The following CFAP47 variants were observed in gnomAD, a reference collection of about 807,000 sequenced individuals.
The protein encoded by CFAP47 is cilia and flagella associated protein 47.
In CFAP47, 29 loss-of-function variants were observed where a neutral mutation model predicts 148.1. The ratio of observed to expected loss-of-function variants is 0.20; its 90% CI spans 0.15 to 0.27. The LOEUF (loss-of-function observed/expected upper bound fraction) is 0.27. CFAP47 is among the 10% of genes least tolerant of loss of function. The pLI, the probability that CFAP47 is intolerant of heterozygous loss-of-function variation, is 1.00. For missense variants in CFAP47, 1,872 were observed against 1,697.5 expected, an observed-to-expected ratio of 1.10 and a Z score of -1.81; for synonymous variants, 664 against 577.3, an observed-to-expected ratio of 1.15 and a Z score of -2.15.
At chrX:36,042,897 T>G (rs1294481668) in intron 25 of CFAP47, among the ~76,000 whole-genome samples, 5 of 111,429 alleles carry the variant, frequency 4.5e-5, no homozygotes, top group Non-Finnish European at 9.4e-5. Flanking sequence ...GGAAGTGCTT[T>G]CCATAGGGAA....
intron 29 of CFAP47, among the ~76,000 whole-genome samples, chrX:36,080,904 A>G (rs1237545587): frequency 8.9e-6 from 1 of 112,021 alleles, no homozygotes; most frequent in Non-Finnish European, 1.9e-5. Context: ...CATTGTGCAC[A>G]TGCACCCTAG....
rs1937628199 is a variant in CFAP47 at position 36,065,404 on chromosome X, A to G, written c.4218-239A>G. 2.7e-5 allele frequency among the ~76,000 whole-genome samples: 3 copies of G among 111,936 alleles called. No individual in the cohort carries two copies. The South Asian group carries it at 1.1e-3, about 42-fold the overall frequency. ...TCTGTGTTTTTGCACCTGCACAGTT[A>G]CAAGCTGTGTTCTATAGCACACTTG... On this transcript the variant is annotated intron_variant, in intron 26 of 63. Coordinates refer to ENST00000378653, the MANE Select transcript of CFAP47 (RefSeq NM_001304548.2).
At chrX:36,264,007 T>C (rs1489372987) in intron 49 of CFAP47, among the ~76,000 whole-genome samples, 1 of 111,561 alleles carries the variant, frequency 9.0e-6, no homozygotes, top group Non-Finnish European at 1.9e-5. Flanking sequence ...TGTCCTTCCC[T>C]CCAATGTATC....
chrX:36,169,243 A>G (rs1939534873), intron 39 of CFAP47, among the ~76,000 whole-genome samples: 1 of 111,197 alleles, frequency 9.0e-6, no homozygotes. Flanking sequence ...TATTATCTAT[A>G]TGTGGATTGC....
Position 35,953,575 on chromosome X carries a change from T to C in CFAP47, c.1047-17T>C. 1 of 1,160,682 alleles carries C rather than the reference T, an allele frequency of 8.6e-7. No individual in the cohort carries two copies. The stretch of plus-strand genomic sequence containing the variant: ...TCAACTTTGCTTTAAAAATAACTCA[T>C]TGTGATTTTTTTACAGGCTAATGGC... On this transcript the variant is annotated splice_polypyrimidine_tract_variant and intron_variant, in intron 6 of 63. Coordinates refer to ENST00000378653, the MANE Select transcript of CFAP47 (RefSeq NM_001304548.2).
chrX:36,208,706 C>T (rs2146887316), intron 45 of CFAP47, among the ~76,000 whole-genome samples: 1 of 111,909 alleles, frequency 8.9e-6, no homozygotes, highest in Admixed American at 9.5e-5. Flanking sequence ...TGGCTCATGC[C>T]TGTAATCCCA....
intron 60 of CFAP47, among the ~76,000 whole-genome samples, chrX:36,356,130 C>T (rs1453862720): frequency 8.9e-6 from 1 of 111,811 alleles, no homozygotes; most frequent in Non-Finnish European, 1.9e-5. Flanking sequence ...CAAAATAGCT[C>T]TTGAAAATAT....
At chrX:36,267,540 A>T (rs1940907961) in intron 49 of CFAP47, among the ~76,000 whole-genome samples, 1 of 100,286 alleles carries the variant, frequency 1.0e-5, no homozygotes, top group Non-Finnish European at 2.0e-5. Context: ...GTACAGTGGC[A>T]TGATCTTGGC....
chrX:36,027,555 C>T (rs1304673165), intron 22 of CFAP47, among the ~76,000 whole-genome samples: 11 of 109,772 alleles, frequency 1.0e-4, no homozygotes, highest in African/African-American at 3.3e-4. Flanking sequence ...CCATGGTGTG[C>T]GTGTATGTGT....
At chrX:36,164,954 C>G (rs984126415) in intron 39 of CFAP47, among the ~76,000 whole-genome samples, 10 of 111,843 alleles carry the variant, frequency 8.9e-5, no homozygotes, top group Non-Finnish European at 1.3e-4. Flanking sequence ...CTCTCCATTT[C>G]CGTAAACCCA....
At chrX:36,105,684 G>A (rs1430467424) in intron 33 of CFAP47, among the ~76,000 whole-genome samples, 1 of 111,560 alleles carries the variant, frequency 9.0e-6, no homozygotes, top group Non-Finnish European at 1.9e-5. Context: ...AAATATATTT[G>A]CCCCATTAAA....
chrX:36,146,435 AT>A (rs1448529580), intron 36 of CFAP47, among the ~76,000 whole-genome samples: 1 of 112,033 alleles, frequency 8.9e-6, no homozygotes, highest in Non-Finnish European at 1.9e-5. Context: ...TCATTTTATT[AT>A]TTTGCTAGAA....
chrX:36,213,351 G>A (rs782598424), intron 45 of CFAP47, among the ~76,000 whole-genome samples: 12 of 110,692 alleles, frequency 1.1e-4, no homozygotes, highest in Non-Finnish European at 2.1e-4. Flanking sequence ...GTTTGCCAGT[G>A]GTCACCAACC....
chrX:36,232,604 C>G (rs1457239662), intron 46 of CFAP47, among the ~76,000 whole-genome samples: 1 of 111,344 alleles, frequency 9.0e-6, no homozygotes, highest in Non-Finnish European at 1.9e-5. Flanking sequence ...TTTTTTGTGT[C>G]TCTATTTCCT....
In CFAP47 at chrX:36,071,826, T is replaced by C. The variant is rs780625252; in HGVS notation, c.4320T>C (p.Asp1440=). The C allele has an allele frequency of 8.3e-7, 1 of 1,203,292 alleles. No homozygotes were observed. Among genetic ancestry groups the C allele is most frequent in the South Asian group, 1.8e-5 (1 of 55,545 alleles). ...TGTGATCCAATGTGTCATTTGTAGA[T>C]AAGGATGAATATCTTAAGAAGACTA... ...LDKQNIILKN[D]KDEYLKKTRD... Residue 1440 remains aspartate, a splice_region_variant and synonymous_variant, in exon 28 of 64, where the codon GAT becomes GAC. Coordinates refer to ENST00000378653, the MANE Select transcript of CFAP47 (RefSeq NM_001304548.2).
intron 57 of CFAP47, among the ~76,000 whole-genome samples, chrX:36,336,244 GACACACACACACACACACACACACAC>G (rs781925226): frequency 1.8e-4 from 12 of 65,708 alleles, no homozygotes; most frequent in South Asian, 1.0e-3. Context: ...CAGACACACA[GACACACACACACACACACACACACAC>G]ACACACACAC....
intron 62 of CFAP47, among the ~76,000 whole-genome samples, chrX:36,373,974 T>C (rs1437115808): frequency 8.9e-6 from 1 of 111,759 alleles, no homozygotes; most frequent in Non-Finnish European, 1.9e-5. Context: ...TAATACTGTA[T>C]TGATGATTTT....
At chrX:36,276,286 A>T (rs1045372989) in intron 49 of CFAP47, among the ~76,000 whole-genome samples, 5 of 111,461 alleles carry the variant, frequency 4.5e-5, no homozygotes, top group Admixed American at 2.9e-4. Context: ...TGGATTTTGC[A>T]AAATAACTCT....
At chrX:36,218,649 C>T (rs781851070) in intron 45 of CFAP47, among the ~76,000 whole-genome samples, 1 of 111,676 alleles carries the variant, frequency 9.0e-6, no homozygotes, top group South Asian at 3.7e-4. Context: ...TTATTCTGAG[C>T]CAATATGAGT....
Sources: allele counts gnomAD v4.1 joint callset (sites outside exome capture counted in the v4.1 genomes callset), GRCh38; gene constraint gnomAD v4.1.1; transcripts MANE v1.5; gene names NCBI Gene and HGNC (gene_info 2026-07-23, HGNC 2026-07-21).